The following HRH1 variants were observed in gnomAD, a reference collection of about 807,000 sequenced individuals.
HRH1 encodes histamine receptor H1.
Under a neutral mutation model 10.3 loss-of-function variants are expected in HRH1, and 6 were observed. The ratio of observed to expected loss-of-function variants is 0.58; its 90% CI spans 0.32 to 1.15. The LOEUF (loss-of-function observed/expected upper bound fraction) is 1.15, where lower values mean the gene tolerates loss of function less well. Ranked by LOEUF, HRH1 falls within the 50% of genes most tolerant of loss-of-function variation. The pLI is 0.05. For missense variants in HRH1, 514 were observed against 615.3 expected, an observed-to-expected ratio of 0.84 and a Z score of 1.74; for synonymous variants, 242 against 236.7, an observed-to-expected ratio of 1.02 and a Z score of -0.21.
chr3:11,247,368 C>T (rs1013597049), intron 1 of HRH1, among the ~76,000 whole-genome samples: 2 of 152,324 alleles, frequency 1.3e-5, no homozygotes, highest in Non-Finnish European at 2.9e-5. Flanking sequence ...CAGTCACGAT[C>T]GCAAGAGCAC....
rs558477725 is a variant in HRH1 at position 11,251,582 on chromosome 3, C to T, written c.-35-7421C>T. Among the ~76,000 whole-genome samples, 6 of 152,220 alleles carry T rather than the reference C, an allele frequency of 3.9e-5. No homozygotes were observed. The East Asian group carries it at 7.7e-4, about 20-fold the overall frequency. On this transcript the variant is annotated intron_variant, in intron 1 of 1. Transcript: ENST00000431010. Reference sequence around the variant, plus strand: ...GAACCATCTACAAAAAGGTGTCTTCCGGTTTGAAAGGGAGTTTATCTAAAC... The same window carrying T: ...GAACCATCTACAAAAAGGTGTCTTCTGGTTTGAAAGGGAGTTTATCTAAAC...
chr3:11,170,040 C>T (rs1220927205), intron 1 of HRH1, among the ~76,000 whole-genome samples: 1 of 152,186 alleles, frequency 6.6e-6, no homozygotes. Context: ...GCTTTGCAGT[C>T]CCCAGAACTC....
rs550530478 is a variant in HRH1 at position 11,139,830 on chromosome 3, A to AG, written c.-36+2438dup. Among the ~76,000 whole-genome samples the AG allele has an allele frequency of 3.3e-5, 5 of 152,180 alleles. No individual in the cohort carries two copies. In the South Asian group the frequency reaches 1.0e-3, roughly 32 times the overall value. On this transcript the variant is annotated intron_variant, in intron 1 of 1. Transcript: ENST00000438284. The stretch of plus-strand genomic sequence containing the variant: ...TTCATGGTCGCCAAGAGATGGGGAA[A>AG]GGGGGGGAATTAGGAGTTATGGAGT...
At chr3:11,187,127 G>A (rs745923) in intron 1 of HRH1, among the ~76,000 whole-genome samples, 31,195 of 152,014 alleles carry the variant, frequency 0.21, 3,590 homozygotes, top group Admixed American at 0.32. Context: ...GCCAGAGGGG[G>A]TCCTCTGGCC....
intron 1 of HRH1, among the ~76,000 whole-genome samples, chr3:11,143,128 C>T (rs1261144861): frequency 6.6e-6 from 1 of 152,056 alleles, no homozygotes. Flanking sequence ...TGATGTGAAG[C>T]CTTGTAGGCC....
At chr3:11,173,976 C>G (rs577818441) in intron 1 of HRH1, among the ~76,000 whole-genome samples, 1 of 152,340 alleles carries the variant, frequency 6.6e-6, no homozygotes, top group Non-Finnish European at 1.5e-5. Flanking sequence ...AATTGTAGGG[C>G]TAGGGGTGAG....
chr3:11,218,631 A>C (rs1462013014), intron 1 of HRH1, among the ~76,000 whole-genome samples: 1 of 150,934 alleles, frequency 6.6e-6, no homozygotes. Flanking sequence ...ACTGGAGTGC[A>C]GTGGCATGAT....
At chr3:11,203,733 ATT>A (rs1356860903) in intron 1 of HRH1, among the ~76,000 whole-genome samples, 2 of 152,212 alleles carry the variant, frequency 1.3e-5, no homozygotes. Flanking sequence ...CCAATACCAT[ATT>A]AATTACTGTA....
rs1352041580 is a variant in HRH1 at position 11,148,102 on chromosome 3, C to G, written c.-36+10703C>G. ...GGCTGAGGCAGGAGAAACGCTTGAA[C>G]CCAGGAGGCGGAGGTTGCAGTGAGC... On this transcript the variant is annotated intron_variant, in intron 1 of 1. Transcript: ENST00000438284. 1.3e-5 allele frequency among the ~76,000 whole-genome samples: 2 copies of G among 151,670 alleles called. 1 individual carries two copies. The highest frequency in any genetic ancestry group is 3.9e-4 in the East Asian group (2 of 5,128).
At chr3:11,147,025 A>C (rs1936464946) in intron 1 of HRH1, among the ~76,000 whole-genome samples, 1 of 152,230 alleles carries the variant, frequency 6.6e-6, no homozygotes. Context: ...GACTTGCCAA[A>C]GGTTAAGATT....
At chr3:11,219,033 G>T (rs1047554155) in intron 1 of HRH1, among the ~76,000 whole-genome samples, 1 of 152,064 alleles carries the variant, frequency 6.6e-6, no homozygotes, top group African/African-American at 2.4e-5. Context: ...GGGATTACAG[G>T]CATAAGCTAC....
At chr3:11,159,064 A>G (rs1396587457) in intron 1 of HRH1, among the ~76,000 whole-genome samples, 1 of 152,206 alleles carries the variant, frequency 6.6e-6, no homozygotes, top group African/African-American at 2.4e-5. Flanking sequence ...CCTGGCCAAC[A>G]TGGCAAAACC....
At chr3:11,195,388 C>T (rs1937622312) in intron 1 of HRH1, among the ~76,000 whole-genome samples, 1 of 152,196 alleles carries the variant, frequency 6.6e-6, no homozygotes, top group Non-Finnish European at 1.5e-5. Context: ...ACAGTCCCAG[C>T]TGCTGGCCTT....
intron 1 of HRH1, among the ~76,000 whole-genome samples, chr3:11,253,571 T>G (rs969944161): frequency 6.6e-6 from 1 of 152,198 alleles, no homozygotes; most frequent in African/African-American, 2.4e-5. Flanking sequence ...TTTCCCTGTT[T>G]TATATTAAAG....
intron 1 of HRH1, among the ~76,000 whole-genome samples, chr3:11,223,968 G>A (rs1217226746): frequency 3.3e-5 from 5 of 152,112 alleles, no homozygotes; most frequent in Admixed American, 3.3e-4. Context: ...GGGACACAGA[G>A]GGCACTGTCA....
At chr3:11,231,795 C>T (rs1256169515) in intron 1 of HRH1, among the ~76,000 whole-genome samples, 3 of 152,096 alleles carry the variant, frequency 2.0e-5, no homozygotes, top group Non-Finnish European at 2.9e-5. Flanking sequence ...ATCCTCTTAA[C>T]AGGGTCTTTC....
chr3:11,261,132 G>T lies in HRH1; in HGVS notation c.*631G>T, dbSNP rs918487600. ...GTGTCTGAACCACCCTGGAAATTCT[G>T]CCTTATTATTTCTTACTCAAACATG... is the stretch of plus-strand genomic sequence containing the variant. On this transcript the variant is annotated 3_prime_UTR_variant, in exon 2 of 2. Coordinates refer to ENST00000431010, the MANE Select transcript of HRH1 (RefSeq NM_001098212.2). The T allele has an allele frequency of 6.0e-6, 1 of 167,068 alleles. No individual in the cohort carries two copies. The highest frequency in any genetic ancestry group is 2.4e-5 in the African/African-American group (1 of 41,432). 10.3% of individuals were successfully genotyped at this position (167,068 alleles called of 1,614,324 possible).
intron 1 of HRH1, among the ~76,000 whole-genome samples, chr3:11,210,534 G>A (rs568520107): frequency 1.3e-5 from 2 of 152,190 alleles, no homozygotes; most frequent in Non-Finnish European, 2.9e-5. Context: ...GCTCACACCC[G>A]TAATCCCAGC....
intron 1 of HRH1, among the ~76,000 whole-genome samples, chr3:11,196,155 G>A (rs1196520361): frequency 6.6e-6 from 1 of 152,174 alleles, no homozygotes; most frequent in Non-Finnish European, 1.5e-5. Context: ...TTAGGCTGGA[G>A]GCAGAACTCT....
Sources: allele counts gnomAD v4.1 joint callset (sites outside exome capture counted in the v4.1 genomes callset), GRCh38; gene constraint gnomAD v4.1.1; transcripts MANE v1.5; gene names NCBI Gene and HGNC (gene_info 2026-07-23, HGNC 2026-07-21).